ABLIM1: variants seen among roughly 807,000 people sequenced by gnomAD.
ABLIM1 encodes the protein actin binding LIM protein 1.
In ABLIM1, 40 loss-of-function variants were observed where a neutral mutation model predicts 107.0. The observed-to-expected ratio is 0.37, with a 90% confidence interval of 0.29 to 0.49. ABLIM1 has a LOEUF of 0.49. Ranked by LOEUF, ABLIM1 falls within the 20% of genes least tolerant of loss-of-function variation. ABLIM1 has a pLI of 0.97. For missense variants in ABLIM1, 857 were observed against 1,008.5 expected, an observed-to-expected ratio of 0.85 and a Z score of 2.04; for synonymous variants, 357 against 357.3, an observed-to-expected ratio of 1.00 and a Z score of 0.01.
intron 1 of ABLIM1, among the ~76,000 whole-genome samples, chr10:114,608,954 G>A (rs1216925774): frequency 1.3e-5 from 2 of 151,894 alleles, no homozygotes; most frequent in African/African-American, 2.4e-5. Context: ...GATGGAGGGT[G>A]CAGTGAGCCG....
rs561094132 is a variant in ABLIM1, at chr10:114,447,912, T to G, written c.1703A>C (p.His568Pro). 1 of 1,614,140 alleles carries G rather than the reference T, an allele frequency of 6.2e-7. No individual in the cohort carries two copies. The highest frequency in any genetic ancestry group is 2.2e-5 in the East Asian group (1 of 44,882). ...PSETPKIETD[H>P]WPGPPSFAVV... ...AGCAAATGAGGGGGGACCAGGCCAG[T>G]GGTCCGTCTCAATCTTTGGTGTCTC... The change falls in exon 15 of 23, where the codon CAC becomes CCC. Residue 568 changes from histidine (H) to proline (P), a missense_variant. Physicochemically the swap from His to Pro is moderately conservative, Grantham distance 77. Coordinates refer to ENST00000533213, the MANE Select transcript of ABLIM1 (RefSeq NM_002313.7).
intron 20 of ABLIM1, chr10:114,439,727 G>A (rs758881341): frequency 7.4e-5 from 26 of 353,728 alleles, no homozygotes; most frequent in Middle Eastern, 8.1e-4. Flanking sequence ...TTGAGAACGC[G>A]CAGGAAAAGG....
At chr10:114,496,661 A>G (rs1274051833) in intron 6 of ABLIM1, among the ~76,000 whole-genome samples, 1 of 152,234 alleles carries the variant, frequency 6.6e-6, no homozygotes, top group Non-Finnish European at 1.5e-5. Flanking sequence ...TAAAAATAAA[A>G]TAAAATAATT....
At position 114,537,232 on chromosome 10, in the gene ABLIM1, A is replaced by G. The variant is rs1420817784; in HGVS notation, c.894+7773T>C. On this transcript the variant is annotated intron_variant, in intron 6 of 22. Coordinates refer to ENST00000533213, the MANE Select transcript of ABLIM1 (RefSeq NM_002313.7). ...ATGTCCCTATCTTCTGAGAATTGAAAGAGACCTATTTTCCTTATTTTTTCT... is the reference window on the plus strand; with the variant it reads ...ATGTCCCTATCTTCTGAGAATTGAAGGAGACCTATTTTCCTTATTTTTTCT... Among the ~76,000 whole-genome samples, 4 of 152,204 alleles carry G rather than the reference A, an allele frequency of 2.6e-5. No individual in the cohort carries two copies. The East Asian group carries it at 7.7e-4, about 29-fold the overall frequency.
At chr10:114,667,102 C>A (rs1031343383) in intron 1 of ABLIM1, among the ~76,000 whole-genome samples, 4 of 152,186 alleles carry the variant, frequency 2.6e-5, no homozygotes, top group Admixed American at 2.0e-4. Context: ...CTGGGATCCA[C>A]ATATTAGTTA....
At chr10:114,461,142 C>T (rs148590182) in intron 12 of ABLIM1, among the ~76,000 whole-genome samples, 223 of 151,906 alleles carry the variant, frequency 1.5e-3, no homozygotes, top group African/African-American at 5.2e-3. Flanking sequence ...CAGCTCACTG[C>T]AACCTCCACC....
chr10:114,580,205 T>TTATATATTATACA, intron 2 of ABLIM1, among the ~76,000 whole-genome samples: 1 of 144,882 alleles, frequency 6.9e-6, no homozygotes, highest in South Asian at 2.2e-4. Flanking sequence ...ATATTATATA[T>TTATATATTATACA]TATATATATA....
chr10:114,638,872 C>T (rs2140903128), intron 1 of ABLIM1, among the ~76,000 whole-genome samples: 1 of 152,292 alleles, frequency 6.6e-6, no homozygotes, highest in African/African-American at 2.4e-5. Context: ...GTGGCACTCA[C>T]CGTTGGCTGC....
At chr10:114,518,616 A>G (rs2063271845) in intron 6 of ABLIM1, among the ~76,000 whole-genome samples, 1 of 151,810 alleles carries the variant, frequency 6.6e-6, no homozygotes. Context: ...TTTGTAAATA[A>G]AGCTTTATTG....
At chr10:114,559,062 G>A (rs936711385) in intron 4 of ABLIM1, among the ~76,000 whole-genome samples, 10 of 152,082 alleles carry the variant, frequency 6.6e-5, no homozygotes, top group African/African-American at 2.4e-4. Flanking sequence ...CCCAGCTGAT[G>A]GAGGACAGGC....
In ABLIM1 at chr10:114,465,795, A is replaced by G. The variant is rs1480923965; in HGVS notation, c.1344T>C (p.His448=). 1.9e-6 allele frequency: 3 copies of G among 1,614,022 alleles called. No homozygotes were observed. The East Asian group carries it at 6.7e-5, about 36-fold the overall frequency. The change falls in exon 12 of 23, where the codon CAT becomes CAC. Residue 448 remains histidine (H), a synonymous_variant. Transcript: ENST00000533213. ...TGATGGAGCCCTGGCTCGTGGACCG[A>G]TGGATCATCCGATCCCGAACATCCT... ...GYQDVRDRMI[H]RSTSQGSINS...
intron 6 of ABLIM1, among the ~76,000 whole-genome samples, chr10:114,527,659 C>CT (rs10639922): frequency 0.039 from 4,995 of 127,220 alleles, 207 homozygotes; most frequent in Middle Eastern, 0.083. Flanking sequence ...CAACTCTTGT[C>CT]TTTTTTTTTT....
At chr10:114,470,323 T>G (rs1241316128) in intron 10 of ABLIM1, among the ~76,000 whole-genome samples, 1 of 148,124 alleles carries the variant, frequency 6.8e-6, no homozygotes, top group East Asian at 2.0e-4. Flanking sequence ...CTTGGGAAGC[T>G]GAGGCAGCAG....
intron 4 of ABLIM1, among the ~76,000 whole-genome samples, chr10:114,569,934 T>C (rs563279619): frequency 6.6e-6 from 1 of 152,334 alleles, no homozygotes; most frequent in Non-Finnish European, 1.5e-5. Flanking sequence ...TTCCTCCCAA[T>C]GGTCAAAAAT....
At chr10:114,659,440 C>A (rs563892968), upstream of ABLIM1, among the ~76,000 whole-genome samples, 2 of 152,156 alleles carry the variant, frequency 1.3e-5, no homozygotes, top group Admixed American at 1.3e-4. Context: ...TTGGTTGAGT[C>A]CAGGAGTTTG....
At chr10:114,791,576 T>G in the ABLIM1 span, among the ~76,000 whole-genome samples, 1 of 151,380 alleles carries the variant, frequency 6.6e-6, no homozygotes, top group Non-Finnish European at 1.5e-5. Context: ...AGGGGGAGCT[T>G]GCAGTGAGCC....
At position 114,434,733 on chromosome 10, in the gene ABLIM1, T is replaced by C. The variant is rs2059202103; in HGVS notation, c.*1527A>G. ...CAAACTCTCCCTCATCTAACTCACG[T>C]CGGGAATCATGATGTGGTTTCATAT... On this transcript the variant is annotated 3_prime_UTR_variant, in exon 23 of 23. Coordinates refer to ENST00000533213, the MANE Select transcript of ABLIM1 (RefSeq NM_002313.7). The C allele has an allele frequency of 6.6e-6, 1 of 152,166 alleles. No individual in the cohort carries two copies. The highest frequency in any genetic ancestry group is 1.5e-5 in the Non-Finnish European group (1 of 68,030). The allele number at this position is 152,166 out of a possible 1,614,324, so 9.4% of individuals were successfully genotyped here.
At chr10:114,489,932 G>A (rs2058701514) in intron 7 of ABLIM1, among the ~76,000 whole-genome samples, 1 of 152,202 alleles carries the variant, frequency 6.6e-6, no homozygotes, top group Non-Finnish European at 1.5e-5. Flanking sequence ...CGAATGTGCT[G>A]CATTTGTGCA....
intron 1 of ABLIM1, among the ~76,000 whole-genome samples, chr10:114,736,936 C>T (rs1435688214): frequency 1.3e-5 from 2 of 152,230 alleles, no homozygotes; most frequent in East Asian, 1.9e-4. Context: ...AGCCTATAAT[C>T]TCAGCTCTTT....
Sources: gnomAD v4.1 joint callset for allele counts (sites outside exome capture counted in the v4.1 genomes callset) on GRCh38, gnomAD v4.1.1 for gene constraint, MANE v1.5 for transcripts, NCBI Gene and HGNC (gene_info 2026-07-23, HGNC 2026-07-21) for gene names.